CARMIL1: variants seen among roughly 807,000 people sequenced by gnomAD.
The protein encoded by CARMIL1 is F-actin-uncapping protein LRRC16A.
A neutral mutation model predicts 177.1 loss-of-function variants in CARMIL1; 90 were observed. The observed-to-expected ratio is 0.51, with a 90% CI of 0.43 to 0.61. The LOEUF is 0.61. CARMIL1 is among the 20% of genes least tolerant of loss of function. The probability of loss-of-function intolerance (pLI) is 0.00; values close to 1 mark genes in which losing one functional copy is unlikely to be tolerated. For synonymous variants in CARMIL1, 577 were observed against 606.2 expected, an observed-to-expected ratio of 0.95 and a Z score of 0.71; for missense variants, 1,380 against 1,667.0, an observed-to-expected ratio of 0.83 and a Z score of 3.00.
intron 2 of CARMIL1, among the ~76,000 whole-genome samples, chr6:25,366,475 T>G (rs1449174287): frequency 6.6e-6 from 1 of 151,924 alleles, no homozygotes; most frequent in Non-Finnish European, 1.5e-5. Flanking sequence ...GCTTTACTTT[T>G]CTCCATCACA....
intron 26 of CARMIL1, among the ~76,000 whole-genome samples, chr6:25,549,954 T>C (rs559074603): frequency 1.7e-4 from 26 of 152,348 alleles, no homozygotes; most frequent in Admixed American, 5.2e-4. Context: ...TTATTTATTC[T>C]CAATAATCCT....
At chr6:25,373,351 A>T (rs1790616202) in intron 2 of CARMIL1, among the ~76,000 whole-genome samples, 1 of 146,692 alleles carries the variant, frequency 6.8e-6, no homozygotes, top group African/African-American at 2.5e-5. Flanking sequence ...TTTTCTTTGA[A>T]TGTCTGGTAC....
Position 25,326,035 on chromosome 6 carries a change from A to G in CARMIL1, c.138+41126A>G, listed in dbSNP as rs978774666. ...CAGGCGCGCACCAGCTCGCCCGGCT[A>G]ATTTTTTGTATTTTAGTAGAGACGG... On this transcript the variant is annotated intron_variant, in intron 2 of 36. Transcript: ENST00000329474. This position sits in a 1 kb window ranked among gnomAD's most constrained non-coding sequence, Gnocchi z 4.2. Among the ~76,000 whole-genome samples the G allele has an allele frequency of 1.3e-5, 2 of 152,024 alleles. No homozygotes were observed. The highest frequency in any genetic ancestry group is 2.9e-5 in the Non-Finnish European group (2 of 67,994).
intron 13 of CARMIL1, among the ~76,000 whole-genome samples, chr6:25,489,506 G>A (rs182299778): frequency 4.6e-4 from 70 of 152,210 alleles, no homozygotes; most frequent in Admixed American, 7.9e-4. Context: ...CAGTGGATTA[G>A]GTATTATCTC....
intron 20 of CARMIL1, among the ~76,000 whole-genome samples, chr6:25,513,842 C>T (rs1805693150): frequency 1.3e-5 from 2 of 152,160 alleles, no homozygotes; most frequent in Admixed American, 1.3e-4. Context: ...GGGACTGCTT[C>T]TGCAATAACC....
In CARMIL1 at chr6:25,558,656, G is replaced by A. The variant is rs1177853360; in HGVS notation, c.2742+1806G>A. On this transcript the variant is annotated intron_variant, in intron 29 of 36. Coordinates refer to ENST00000329474, the MANE Select transcript of CARMIL1 (RefSeq NM_017640.6). This position sits in a 1 kb window ranked among gnomAD's most constrained non-coding sequence, Gnocchi z 4.1. ...TGCCATGATGCCTAAAGAGGCAGGA[G>A]TAGATGTAGATCTCTTTGAATTCAA... 2.0e-5 allele frequency among the ~76,000 whole-genome samples: 3 copies of A among 152,194 alleles called. No homozygotes were observed. The highest frequency in any genetic ancestry group is 7.2e-5 in the African/African-American group (3 of 41,440).
intron 10 of CARMIL1, among the ~76,000 whole-genome samples, chr6:25,472,175 A>G (rs1801149816): frequency 6.6e-6 from 1 of 152,068 alleles, no homozygotes; most frequent in South Asian, 2.1e-4. Context: ...ATAGCACACA[A>G]CAGAGTGCCT....
intron 2 of CARMIL1, among the ~76,000 whole-genome samples, chr6:25,394,419 G>C (rs895103037): frequency 6.6e-6 from 1 of 152,246 alleles, no homozygotes; most frequent in Non-Finnish European, 1.5e-5. Flanking sequence ...CACAGTTCCT[G>C]AGGGGCTAAG....
intron 35 of CARMIL1, among the ~76,000 whole-genome samples, chr6:25,609,380 C>T (rs556560483): frequency 6.6e-5 from 10 of 151,714 alleles, no homozygotes; most frequent in South Asian, 6.3e-4. Context: ...GCAGGAGAAT[C>T]GCTTAGACCC....
chr6:25,341,980 T>C (rs1786993764), intron 2 of CARMIL1, among the ~76,000 whole-genome samples: 1 of 152,168 alleles, frequency 6.6e-6, no homozygotes, highest in Non-Finnish European at 1.5e-5. Context: ...GAAGCATTGT[T>C]TGAAAGAAGT....
chr6:25,588,824 A>G (rs1814022275), intron 31 of CARMIL1, among the ~76,000 whole-genome samples: 1 of 152,262 alleles, frequency 6.6e-6, no homozygotes, highest in Non-Finnish European at 1.5e-5. Flanking sequence ...CTCAATATTC[A>G]AGGGAATATG....
chr6:25,510,538 G>A lies in CARMIL1; in HGVS notation c.1509G>A (p.Val503=). 1.9e-6 allele frequency: 3 copies of A among 1,557,388 alleles called. No homozygotes were observed. Among genetic ancestry groups the A allele is most frequent in the Non-Finnish European group, 1.7e-6 (2 of 1,149,086 alleles). Reference sequence around the variant, plus strand: ...AATCTGACCTATCTACCTTAATAGTGTGGCTCAGTAAAAACAGATCAATAC... The same window carrying A: ...AATCTGACCTATCTACCTTAATAGTATGGCTCAGTAAAAACAGATCAATAC... ...GLESDLSTLI[V]WLSKNRSIQH... Residue 503 remains valine (V), a synonymous_variant, in exon 19 of 37, where the codon GTG becomes GTA. Coordinates refer to ENST00000329474, the MANE Select transcript of CARMIL1 (RefSeq NM_017640.6).
rs139991884 is a variant in CARMIL1 at position 25,299,703 on chromosome 6, C to T, written c.138+14794C>T. Among the ~76,000 whole-genome samples the T allele has an allele frequency of 4.9e-3, 745 of 151,776 alleles. 7 individuals are homozygous for T. The highest frequency in any genetic ancestry group is 0.016 in the African/African-American group (678 of 41,420). On this transcript the variant is annotated intron_variant, in intron 2 of 36. Coordinates refer to ENST00000329474, the MANE Select transcript of CARMIL1 (RefSeq NM_017640.6). Reference sequence around the variant, plus strand: ...TAAAAATGTCTCCAGAGGCTGGGCACGGTGGCTCATGCCTGTAATTCCAGC... The same window carrying T: ...TAAAAATGTCTCCAGAGGCTGGGCATGGTGGCTCATGCCTGTAATTCCAGC...
rs148120240 is a variant in CARMIL1, at chr6:25,458,362, G to A, written c.615-7511G>A. 4.6e-3 allele frequency among the ~76,000 whole-genome samples: 705 copies of A among 151,950 alleles called. 7 individuals carry two copies. The highest frequency in any genetic ancestry group is 0.016 in the African/African-American group (655 of 41,434). ...AATTAGCTGGGCGTGGTGGCACGTCGCCTGTAGCCCCAGCTCCTTGGGAGC... is the reference window on the plus strand; with the variant it reads ...AATTAGCTGGGCGTGGTGGCACGTCACCTGTAGCCCCAGCTCCTTGGGAGC... On this transcript the variant is annotated intron_variant, in intron 8 of 36. Transcript: ENST00000329474.
At chr6:25,565,819 G>A (rs536660397) in intron 29 of CARMIL1, among the ~76,000 whole-genome samples, 5 of 152,254 alleles carry the variant, frequency 3.3e-5, no homozygotes, top group South Asian at 2.1e-4. Context: ...CCAGCCTGGC[G>A]ACAGAGTGAG....
chr6:25,419,970 C>T (rs554170201), intron 2 of CARMIL1, 144 bp from the exon 3 acceptor site: 4 of 674,502 alleles, frequency 5.9e-6, no homozygotes, highest in South Asian at 3.7e-5. Flanking sequence ...GAAGCTGTCC[C>T]AGCTCGTAAT....
At chr6:25,479,645 C>A (rs531129320) in intron 11 of CARMIL1, among the ~76,000 whole-genome samples, 1 of 152,042 alleles carries the variant, frequency 6.6e-6, no homozygotes, top group East Asian at 1.9e-4. Flanking sequence ...TGGCTGCTAT[C>A]TATTTAACTG....
chr6:25,318,262 C>T (rs145812417), intron 2 of CARMIL1, among the ~76,000 whole-genome samples: 11 of 152,156 alleles, frequency 7.2e-5, no homozygotes, highest in Non-Finnish European at 1.5e-4. Context: ...CTCAGACTAC[C>T]GCATCCATGC....
chr6:25,334,923 C>A (rs1189935555), intron 2 of CARMIL1, among the ~76,000 whole-genome samples: 2 of 152,198 alleles, frequency 1.3e-5, no homozygotes, highest in Non-Finnish European at 2.9e-5. Flanking sequence ...TGAACAGTAA[C>A]AATCTGAAAC....
Sources: gnomAD v4.1 joint callset for allele counts (sites outside exome capture counted in the v4.1 genomes callset) on GRCh38, gnomAD v4.1.1 for gene constraint, Gnocchi (gnomAD v3.1) non-coding constraint, MANE v1.5 for transcripts, NCBI Gene and HGNC (gene_info 2026-07-23, HGNC 2026-07-21) for gene names.